Variants in SASH1 observed in about 807,000 individuals in gnomAD.
SASH1 encodes SAM and SH3 domain-containing protein 1.
In SASH1, 44 loss-of-function variants were observed where a neutral mutation model predicts 125.2. The observed-to-expected ratio is 0.35, with a 90% CI of 0.28 to 0.45. The LOEUF (loss-of-function observed/expected upper bound fraction) is 0.45, where lower values mean the gene tolerates loss of function less well. Ranked by LOEUF, SASH1 falls within the 20% of genes least tolerant of loss-of-function variation. SASH1 has a pLI of 1.00. For synonymous variants in SASH1, 639 were observed against 649.1 expected (o/e 0.98, Z 0.24); for missense variants, 1,426 against 1,614.5 (o/e 0.88, Z 2.00).
chr6:148,418,586 TC>T, intron 2 of SASH1, among the ~76,000 whole-genome samples: 1 of 152,306 alleles, frequency 6.6e-6, no homozygotes, highest in East Asian at 1.9e-4. Context: ...TGTCTCCGCT[TC>T]CAGTCTTCTC....
chr6:148,330,313 C>T (rs1372158867), intron 1 of SASH1, among the ~76,000 whole-genome samples: 4 of 152,170 alleles, frequency 2.6e-5, no homozygotes, highest in Non-Finnish European at 5.9e-5. Flanking sequence ...TTGTTCTATG[C>T]ACATAACACG....
chr6:148,362,945 T>TATCCCAACTGCCACCC (rs1782295492), intron 1 of SASH1, among the ~76,000 whole-genome samples: 2 of 152,338 alleles, frequency 1.3e-5, no homozygotes, highest in Admixed American at 1.3e-4. Flanking sequence ...AACTGCTACC[T>TATCCCAACTGCCACCC]ATCCCAACTG....
chr6:148,344,778 C>T (rs138641110), intron 1 of SASH1, among the ~76,000 whole-genome samples: 1,800 of 143,662 alleles, frequency 0.013, 37 homozygotes, highest in African/African-American at 0.044. Flanking sequence ...TTTTTTGAGA[C>T]GAAGTCTTGC....
chr6:148,511,576 T>G (rs1780142667), intron 8 of SASH1, among the ~76,000 whole-genome samples: 1 of 152,042 alleles, frequency 6.6e-6, no homozygotes, highest in African/African-American at 2.4e-5. Context: ...AGAAGTATAA[T>G]TCAAAGGTAT....
the SASH1 span, among the ~76,000 whole-genome samples, chr6:148,254,734 T>C: frequency 2.0e-5 from 3 of 152,138 alleles, no homozygotes; most frequent in Non-Finnish European, 4.4e-5. Context: ...TGTGGAGAAA[T>C]TGCAACCTCA....
At chr6:148,526,614 T>A (rs1160463217) in intron 11 of SASH1, among the ~76,000 whole-genome samples, 1 of 152,230 alleles carries the variant, frequency 6.6e-6, no homozygotes, top group Admixed American at 6.5e-5. Flanking sequence ...ATATGATTTT[T>A]TTCTTTCTCA....
At chr6:148,324,307 G>A (rs748290283) in intron 1 of SASH1, among the ~76,000 whole-genome samples, 38 of 152,018 alleles carry the variant, frequency 2.5e-4, no homozygotes, top group Non-Finnish European at 5.0e-4. Context: ...GATTATCCAT[G>A]AGCTGTGGAC....
rs988035190 is a variant in SASH1, at chr6:148,440,232, G to A, written c.334G>A (p.Glu112Lys). 16 of 1,613,810 alleles carry A rather than the reference G, an allele frequency of 9.9e-6. No individual in the cohort carries two copies. The highest frequency in any genetic ancestry group is 6.7e-5 in the Admixed American group (4 of 59,972). Residue 112 changes from glutamate to lysine, a missense_variant and splice_region_variant, in exon 3 of 20, where the codon GAA becomes AAA. Physicochemically the swap from Glu to Lys is moderately conservative, Grantham distance 56. Transcript: ENST00000367467. Reference protein sequence around the residue: ...PTSLQLRSQIEESLGFCSAVS... With the variant: ...PTSLQLRSQIKESLGFCSAVS... ...GTCACTTCAGCTGCGGTCCCAGATC[G>A]AAGTAAGCACAATGACTTTAATCAT...
chr6:148,346,900 G>C (rs1206346440), intron 1 of SASH1, among the ~76,000 whole-genome samples: 1 of 152,184 alleles, frequency 6.6e-6, no homozygotes, highest in Non-Finnish European at 1.5e-5. Flanking sequence ...CATGTGGTAG[G>C]CCAGGGTTTT....
At chr6:148,344,961 A>G (rs370489916) in intron 1 of SASH1, among the ~76,000 whole-genome samples, 3 of 151,940 alleles carry the variant, frequency 2.0e-5, no homozygotes, top group East Asian at 3.9e-4. Flanking sequence ...TCACCATGTT[A>G]GCCAGGCTGG....
upstream of SASH1, among the ~76,000 whole-genome samples, chr6:148,268,642 G>A (rs1363130184): frequency 6.6e-6 from 1 of 152,132 alleles, no homozygotes; most frequent in Non-Finnish European, 1.5e-5. Flanking sequence ...TGTTCCCTCT[G>A]GGGTCACATT....
At chr6:148,517,554 G>GA (rs1176352138) in intron 9 of SASH1, among the ~76,000 whole-genome samples, 2 of 152,166 alleles carry the variant, frequency 1.3e-5, no homozygotes, top group Non-Finnish European at 2.9e-5. Context: ...GGTCAAGGTT[G>GA]GGATTCCAAG....
intron 1 of SASH1, among the ~76,000 whole-genome samples, chr6:148,333,545 C>T (rs1281965562): frequency 6.6e-6 from 1 of 152,084 alleles, no homozygotes; most frequent in Non-Finnish European, 1.5e-5. Context: ...AAGCACTGCT[C>T]TAGATAAAAT....
intron 2 of SASH1, among the ~76,000 whole-genome samples, chr6:148,409,716 A>ACT (rs1194974090): frequency 6.6e-6 from 1 of 152,168 alleles, no homozygotes; most frequent in Non-Finnish European, 1.5e-5. Flanking sequence ...TGGGCGGATC[A>ACT]TGAGGTCAGG....
intron 1 of SASH1, among the ~76,000 whole-genome samples, chr6:148,384,531 A>G (rs1297163155): frequency 6.6e-6 from 1 of 152,176 alleles, no homozygotes; most frequent in Non-Finnish European, 1.5e-5. Context: ...TCAGACGTAG[A>G]TTTTGTGTTT....
intron 1 of SASH1, among the ~76,000 whole-genome samples, chr6:148,373,002 C>T (rs544042976): frequency 6.6e-6 from 1 of 152,052 alleles, no homozygotes; most frequent in African/African-American, 2.4e-5. Flanking sequence ...CGAGACCAGC[C>T]TCAACATGGA....
chr6:148,483,489 A>C (rs985826059), intron 7 of SASH1, among the ~76,000 whole-genome samples: 1 of 152,228 alleles, frequency 6.6e-6, no homozygotes, highest in African/African-American at 2.4e-5. Context: ...TGTTGAAAGA[A>C]AGCTTTTAAG....
chr6:148,468,634 A>G lies in SASH1; in HGVS notation c.427+49A>G, dbSNP rs537779384. 5.9e-6 allele frequency: 7 copies of G among 1,191,090 alleles called. No homozygotes were observed. The East Asian group carries it at 7.4e-5, about 13-fold the overall frequency. 73.8% of individuals were successfully genotyped at this position (1,191,090 alleles called of 1,614,324 possible). On this transcript the variant is annotated intron_variant, in intron 5 of 19. Coordinates refer to ENST00000367467, the MANE Select transcript of SASH1 (RefSeq NM_015278.5). ...ACCTATTTAATTATTTCAATACTTTATAGAAAACACGAATATGTGAAAATA... is the reference window on the plus strand; with the variant it reads ...ACCTATTTAATTATTTCAATACTTTGTAGAAAACACGAATATGTGAAAATA...
intron 1 of SASH1, among the ~76,000 whole-genome samples, chr6:148,331,973 C>G (rs116443555): frequency 0.01 from 1,551 of 152,300 alleles, 27 homozygotes; most frequent in African/African-American, 0.035. Flanking sequence ...TGTGTTCCCC[C>G]CTGCCCTACC....
Sources: gnomAD v4.1 joint callset for allele counts (sites outside exome capture counted in the v4.1 genomes callset) on GRCh38, gnomAD v4.1.1 for gene constraint, MANE v1.5 for transcripts, NCBI Gene and HGNC (gene_info 2026-07-23, HGNC 2026-07-21) for gene names.